DCHS2: variants seen among roughly 807,000 people sequenced by gnomAD.
The protein encoded by DCHS2 is protocadherin-23.
In DCHS2, 142 loss-of-function variants were observed where a neutral mutation model predicts 182.4. The ratio of observed to expected loss-of-function variants is 0.78; its 90% CI spans 0.68 to 0.89. DCHS2 has a LOEUF of 0.89. DCHS2 is among the 40% of genes least tolerant of loss of function. The pLI, the probability that DCHS2 is intolerant of heterozygous loss-of-function variation, is 0.00. For missense variants in DCHS2, 4,319 were observed against 4,198.6 expected (o/e 1.03, Z -0.79); for synonymous variants, 1,740 against 1,663.3 (o/e 1.05, Z -1.12).
rs760886219 is a variant in DCHS2, at chr4:154,491,277, C to T, written c.79G>A (p.Gly27Arg). ...APVGKLLLLP[G>R]RRDTPHGRSG... ...CGCCCATGGGGTGTATCTCTCCTCC[C>T]GGGGAGCAGAAGGAGCTTCCCGACC... Residue 27 changes from glycine (G) to arginine (R), a missense_variant, in exon 1 of 20, where the codon GGG becomes AGG. By Grantham distance (125) the Gly-to-Arg change is moderately radical. Coordinates refer to ENST00000357232, the MANE Select transcript of DCHS2 (RefSeq NM_001358235.2). The T allele has an allele frequency of 1.9e-6, 3 of 1,550,050 alleles. No homozygotes were observed. Among genetic ancestry groups the T allele is most frequent in the East Asian group, 2.4e-5 (1 of 40,876 alleles).
intron 3 of DCHS2, chr4:154,343,717 G>T: frequency 7.6e-7 from 1 of 1,310,648 alleles, no homozygotes; most frequent in South Asian, 2.8e-5. Flanking sequence ...TGGCTGCTTT[G>T]ATCTATCCAG....
In DCHS2 at chr4:154,320,709, G is replaced by A; in HGVS notation, c.4690C>T (p.Pro1564Ser). 1 of 1,614,002 alleles carries A rather than the reference G, an allele frequency of 6.2e-7. No individual in the cohort carries two copies. The highest frequency in any genetic ancestry group is 8.5e-7 in the Non-Finnish European group (1 of 1,179,996). The change falls in exon 9 of 20, where the codon CCC (proline) becomes TCC (serine). Residue 1564 changes from proline to serine, a missense_variant. Pro to Ser is a moderately conservative substitution (Grantham distance 74). Coordinates refer to ENST00000357232, the MANE Select transcript of DCHS2 (RefSeq NM_001358235.2). ...ACAGTGACTAGTGTGCCAAATGAGG[G>A]GTGGATGAGAAATGGATTCGTGCCA... ...NPGTNPFLIHPSFGTLVTVSR... is the reference protein window; with the variant it reads ...NPGTNPFLIHSSFGTLVTVSR...
At chr4:154,422,168 C>G (rs2110916901) in intron 1 of DCHS2, among the ~76,000 whole-genome samples, 1 of 152,324 alleles carries the variant, frequency 6.6e-6, no homozygotes, top group African/African-American at 2.4e-5. Context: ...GTGGGGTCTT[C>G]AATCTCTTCT....
Position 154,236,492 on chromosome 4 carries a change from T to A in DCHS2, c.8160A>T (p.Gly2720=), listed in dbSNP as rs1237935749. ...KGHFYLEENT[G]VLYLIKPLDY... ...CCAGAGGTTTAATCAAATAAAGAAC[T>A]CCAGTGTTTTCTTCTAAGTAAAAAT... Residue 2720 remains glycine, a synonymous_variant, in exon 20 of 20, where the codon GGA becomes GGT. Transcript: ENST00000357232. 6.2e-7 allele frequency: 1 copy of A among 1,614,018 alleles called. No homozygotes were observed.
chr4:154,394,193 C>T (rs186138059), intron 1 of DCHS2, among the ~76,000 whole-genome samples: 34 of 152,226 alleles, frequency 2.2e-4, no homozygotes, highest in African/African-American at 7.5e-4. Context: ...CTCAGGGTCA[C>T]CAATAATCTT....
chr4:154,358,344 C>T (rs1157984593), intron 3 of DCHS2, among the ~76,000 whole-genome samples: 1 of 152,072 alleles, frequency 6.6e-6, no homozygotes, highest in Non-Finnish European at 1.5e-5. Context: ...TTAGATTTTC[C>T]AGCATTGTCT....
intron 2 of DCHS2, 96 bp downstream of exon 2, chr4:154,377,157 T>A: frequency 2.5e-6 from 3 of 1,209,226 alleles, no homozygotes; most frequent in Non-Finnish European, 3.4e-6. Context: ...TGAAACAGAA[T>A]GACCCAATTG....
At chr4:154,422,616 A>G (rs1331310393) in intron 1 of DCHS2, among the ~76,000 whole-genome samples, 1 of 152,188 alleles carries the variant, frequency 6.6e-6, no homozygotes, top group East Asian at 1.9e-4. Context: ...ATACCCATTC[A>G]TGATTGAAGC....
rs200345645 is a variant in DCHS2 at position 154,253,186 on chromosome 4, A to AGTGTGTGT, written c.6941+2332_6941+2333insACACACAC. Among the ~76,000 whole-genome samples the AGTGTGTGT allele has an allele frequency of 2.8e-5, 4 of 142,330 alleles. No homozygotes were observed. In the South Asian group the frequency reaches 6.5e-4, roughly 23 times the overall value. 93.4% of individuals were successfully genotyped at this position (142,330 alleles called of 152,430 possible). A position where few individuals can be genotyped will look rare whatever the true frequency, so the allele number is the denominator to read the frequency against. ...GGTGATGCTGGAGAGAGAGAGAGAG[A>AGTGTGTGT]GAGAGAGTGTGTGTGTGTGTGTGTT... On this transcript the variant is annotated intron_variant, in intron 16 of 19. Coordinates refer to ENST00000357232, the MANE Select transcript of DCHS2 (RefSeq NM_001358235.2).
At chr4:154,388,357 A>G (rs1462966616) in intron 1 of DCHS2, among the ~76,000 whole-genome samples, 3 of 152,066 alleles carry the variant, frequency 2.0e-5, no homozygotes, top group African/African-American at 4.8e-5. Context: ...TAAAAATCCC[A>G]TTTATGCAAA....
At chr4:154,307,763 T>C (rs1012448063) in intron 10 of DCHS2, among the ~76,000 whole-genome samples, 2 of 152,164 alleles carry the variant, frequency 1.3e-5, no homozygotes, top group African/African-American at 2.4e-5. Flanking sequence ...TGCTGTTGTA[T>C]CTGGCAATCT....
chr4:154,260,585 G>A (rs917420827), intron 14 of DCHS2, among the ~76,000 whole-genome samples: 6 of 152,100 alleles, frequency 3.9e-5, no homozygotes, highest in South Asian at 2.1e-4. Flanking sequence ...GAGTCATCAC[G>A]CATGCGGTTC....
Position 154,305,834 on chromosome 4 carries a change from T to C in DCHS2, c.5261-603A>G, listed in dbSNP as rs138534801. On this transcript the variant is annotated intron_variant, in intron 10 of 19. Transcript: ENST00000357232. ...GGTTTCATTTCTCCCCTGAGAAAAG[T>C]ATCACGTCATTTCCATCTCTGGTTA... Among the ~76,000 whole-genome samples the C allele has an allele frequency of 1.1e-3, 160 of 152,312 alleles. 1 individual carries two copies. In the South Asian group the frequency reaches 0.017, roughly 16 times the overall value.
intron 12 of DCHS2, among the ~76,000 whole-genome samples, chr4:154,299,080 A>C (rs1178070707): frequency 2.0e-5 from 3 of 152,186 alleles, no homozygotes; most frequent in African/African-American, 7.2e-5. Flanking sequence ...ACACAAAACA[A>C]TAGATGAGGA....
chr4:154,377,220 T>G (rs563198977), intron 2 of DCHS2, 33 bp downstream of exon 2: 1 of 1,596,068 alleles, frequency 6.3e-7, no homozygotes, highest in African/African-American at 1.3e-5. Context: ...CTTGTGATTA[T>G]GTTTAAAATA....
chr4:154,264,405 CAA>C lies in DCHS2; in HGVS notation c.6578-4651_6578-4650del, dbSNP rs957281845. Among the ~76,000 whole-genome samples, 4 of 151,566 alleles carry C rather than the reference CAA, an allele frequency of 2.6e-5. No homozygotes were observed. The South Asian group carries it at 6.3e-4, about 24-fold the overall frequency. On this transcript the variant is annotated intron_variant, in intron 14 of 19. Coordinates refer to ENST00000357232, the MANE Select transcript of DCHS2 (RefSeq NM_001358235.2). ...GAACAAGAGGCTATTTTTCAAAAGA[CAA>C]AGAGTTGAAAAAAATTCAACAGAAC...
At chr4:154,444,761 G>T (rs1026079932) in intron 1 of DCHS2, among the ~76,000 whole-genome samples, 2 of 152,188 alleles carry the variant, frequency 1.3e-5, no homozygotes, top group Non-Finnish European at 2.9e-5. Flanking sequence ...AGGATAAGAT[G>T]CAAAGTTGTT....
At chr4:154,444,762 C>T (rs886358861) in intron 1 of DCHS2, among the ~76,000 whole-genome samples, 2 of 152,182 alleles carry the variant, frequency 1.3e-5, no homozygotes, top group African/African-American at 4.8e-5. Flanking sequence ...GGATAAGATG[C>T]AAAGTTGTTG....
chr4:154,285,874 C>T (rs1734371746), intron 13 of DCHS2, among the ~76,000 whole-genome samples: 1 of 152,092 alleles, frequency 6.6e-6, no homozygotes, highest in Admixed American at 6.5e-5. Flanking sequence ...CTTGAGTGAA[C>T]ATAGCTGGTA....
Sources: gnomAD v4.1 joint callset for allele counts (sites outside exome capture counted in the v4.1 genomes callset) on GRCh38, gnomAD v4.1.1 for gene constraint, MANE v1.5 for transcripts, NCBI Gene and HGNC (gene_info 2026-07-23, HGNC 2026-07-21) for gene names.